Variants in FOXN3 observed in about 807,000 individuals in gnomAD.
The protein encoded by FOXN3 is forkhead box protein N3.
Under a neutral mutation model 38.4 loss-of-function variants are expected in FOXN3, and 7 were observed. The ratio of observed to expected loss-of-function variants is 0.18; its 90% CI spans 0.10 to 0.34. The LOEUF (loss-of-function observed/expected upper bound fraction) is 0.34. Ranked by LOEUF, FOXN3 falls within the 10% of genes least tolerant of loss-of-function variation. The pLI, the probability that FOXN3 is intolerant of heterozygous loss-of-function variation, is 1.00. For synonymous variants in FOXN3, 230 were observed against 242.2 expected, an observed-to-expected ratio of 0.95 and a Z score of 0.47; for missense variants, 456 against 613.4, an observed-to-expected ratio of 0.74 and a Z score of 2.71.
At position 89,614,143 on chromosome 14, in the gene FOXN3, C is replaced by T. The variant is rs1896448538; in HGVS notation, c.-15+4885G>A. ...ATTTTACTCAACACTCAAAACACTACTGAGTCTGCCAAGCAGATTTATATA... is the reference window on the plus strand; with the variant it reads ...ATTTTACTCAACACTCAAAACACTATTGAGTCTGCCAAGCAGATTTATATA... On this transcript the variant is annotated intron_variant, in intron 1 of 6. Coordinates refer to the FOXN3 transcript ENST00000345097. Among the ~76,000 whole-genome samples the T allele has an allele frequency of 2.0e-5, 3 of 152,200 alleles. No homozygotes were observed. In the South Asian group the frequency reaches 6.2e-4, roughly 32 times the overall value.
intron 3 of FOXN3, among the ~76,000 whole-genome samples, chr14:89,318,181 G>A (rs1479067479): frequency 1.9e-4 from 23 of 123,602 alleles, no homozygotes; most frequent in Admixed American, 4.8e-4. Flanking sequence ...TTTTTGAGGC[G>A]GAGTTTCACT....
chr14:89,225,394 G>A (rs1289474889), intron 4 of FOXN3, among the ~76,000 whole-genome samples: 1 of 151,880 alleles, frequency 6.6e-6, no homozygotes, highest in Non-Finnish European at 1.5e-5. Context: ...CACGAGGTCA[G>A]GAGATCGAGA....
intron 1 of FOXN3, among the ~76,000 whole-genome samples, chr14:89,523,952 G>A (rs1347125323): frequency 2.6e-5 from 4 of 151,508 alleles, no homozygotes; most frequent in Non-Finnish European, 4.4e-5. Flanking sequence ...TAGTACAGAC[G>A]GGGTTTCACC....
In FOXN3 at chr14:89,156,536, CT is replaced by C. The variant is rs1342143476; in HGVS notation, c.*5877del. 1 of 152,374 alleles carries C rather than the reference CT, an allele frequency of 6.6e-6. No individual in the cohort carries two copies. Among genetic ancestry groups the C allele is most frequent in the Non-Finnish European group, 1.5e-5 (1 of 68,022 alleles). 9.4% of individuals were successfully genotyped at this position (152,374 alleles called of 1,614,324 possible). A position where few individuals can be genotyped will look rare whatever the true frequency, so the allele number is the denominator to read the frequency against. On this transcript the variant is annotated 3_prime_UTR_variant, in exon 6 of 6. Transcript: ENST00000557258. ...AATTGGCTTTTGAAAAATTATTACT[CT>C]CGTAAATTAATTTGGCCGTGTAGGT...
intron 2 of FOXN3, among the ~76,000 whole-genome samples, chr14:89,394,067 G>A (rs1891034555): frequency 6.6e-6 from 1 of 152,040 alleles, no homozygotes; most frequent in Admixed American, 6.6e-5. Flanking sequence ...GGGAGAGAGA[G>A]AAAGGGGGCC....
chr14:89,607,432 G>A (rs1033691841), intron 1 of FOXN3, among the ~76,000 whole-genome samples: 7 of 152,042 alleles, frequency 4.6e-5, no homozygotes, highest in Non-Finnish European at 1.0e-4. Flanking sequence ...GGTGGTACAT[G>A]CCTGTAATCC....
In FOXN3 at chr14:89,461,386, C is replaced by A. The variant is rs150443671; in HGVS notation, c.-14-48896G>T. 6.6e-3 allele frequency among the ~76,000 whole-genome samples: 997 copies of A among 151,846 alleles called. 5 individuals are homozygous for A. The highest frequency in any genetic ancestry group is 0.023 in the African/African-American group (948 of 41,382). On this transcript the variant is annotated intron_variant, in intron 1 of 6. Transcript: ENST00000345097. The stretch of plus-strand genomic sequence containing the variant: ...CTGCCTGTTGTCTGTCTTCACCTAC[C>A]AGAATGTATGCACCACCAGAATATA...
chr14:89,582,419 G>A (rs1895759663), intron 1 of FOXN3, among the ~76,000 whole-genome samples: 1 of 151,730 alleles, frequency 6.6e-6, no homozygotes, highest in African/African-American at 2.4e-5. Flanking sequence ...TAGAGGAATA[G>A]CCAACTGAAG....
At chr14:89,230,762 TAAAC>T (rs1488631119) in intron 4 of FOXN3, 10 of 400,360 alleles carry the variant, frequency 2.5e-5, no homozygotes, top group African/African-American at 2.1e-4. Flanking sequence ...AATAAATAGA[TAAAC>T]AAACATTCTT....
intron 2 of FOXN3, among the ~76,000 whole-genome samples, chr14:89,387,247 TTC>T (rs1890816279): frequency 6.6e-6 from 1 of 151,984 alleles, no homozygotes; most frequent in Admixed American, 6.6e-5. Flanking sequence ...CAGAGCAAAA[TTC>T]TGTCTCAATC....
chr14:89,354,658 C>T (rs1889132059), intron 2 of FOXN3, among the ~76,000 whole-genome samples: 1 of 151,234 alleles, frequency 6.6e-6, no homozygotes, highest in African/African-American at 2.4e-5. Context: ...AGTTCGAAAC[C>T]AGCCTGACTA....
At chr14:89,312,076 GGAGTTT>G (rs1243992944) in intron 3 of FOXN3, among the ~76,000 whole-genome samples, 1 of 151,904 alleles carries the variant, frequency 6.6e-6, no homozygotes, top group African/African-American at 2.4e-5. Context: ...TTTGAGGTCA[GGAGTTT>G]GAGACCAGCC....
intron 1 of FOXN3, among the ~76,000 whole-genome samples, chr14:89,569,172 T>C (rs1210369552): frequency 6.6e-6 from 1 of 151,858 alleles, no homozygotes; most frequent in African/African-American, 2.4e-5. Context: ...ACCACTGCAC[T>C]CTAGCCTGGG....
chr14:89,296,675 G>A (rs567468268), intron 3 of FOXN3, among the ~76,000 whole-genome samples: 13 of 152,278 alleles, frequency 8.5e-5, no homozygotes, highest in South Asian at 4.2e-4. Context: ...TCGCTCTGTC[G>A]TCTAGGCTGG....
rs948812208 is a variant in FOXN3 at position 89,363,738 on chromosome 14, C to G, written c.544-12930G>C. ...GGTACTAGCAGAAGAACAAACAGAA[C>G]AGAGCCAAGTTATTCACCATGAACT... On this transcript the variant is annotated intron_variant, in intron 2 of 5. Coordinates refer to ENST00000557258, the MANE Select transcript of FOXN3 (RefSeq NM_005197.4). Among the ~76,000 whole-genome samples, 11 of 152,154 alleles carry G rather than the reference C, an allele frequency of 7.2e-5. 1 individual carries two copies. The highest frequency in any genetic ancestry group is 1.7e-4 in the African/African-American group (7 of 41,464).
At chr14:89,205,907 C>A (rs947632885) in intron 4 of FOXN3, among the ~76,000 whole-genome samples, 2 of 152,226 alleles carry the variant, frequency 1.3e-5, no homozygotes, top group African/African-American at 4.8e-5. Flanking sequence ...GCATCCCTGT[C>A]ACGCGCCCTG....
At position 89,598,182 on chromosome 14, in the gene FOXN3, C is replaced by G. The variant is rs72705440; in HGVS notation, c.-15+20846G>C. On this transcript the variant is annotated intron_variant, in intron 1 of 6. Transcript: ENST00000345097. The stretch of plus-strand genomic sequence containing the variant: ...CTACAAGGAACTTAGAATGATTTAA[C>G]TTCATTAACTTCTTTGGATTTATGT... 1.9e-3 allele frequency among the ~76,000 whole-genome samples: 294 copies of G among 152,216 alleles called. 1 individual carries two copies. The highest frequency in any genetic ancestry group is 3.0e-3 in the Admixed American group (46 of 15,298).
At chr14:89,426,694 C>T (rs549606620) in intron 1 of FOXN3, among the ~76,000 whole-genome samples, 1 of 152,168 alleles carries the variant, frequency 6.6e-6, no homozygotes, top group South Asian at 2.1e-4. Context: ...TTCAGCCTCA[C>T]ATTAATCATG....
intron 2 of FOXN3, among the ~76,000 whole-genome samples, chr14:89,399,783 G>A (rs190227862): frequency 2.4e-4 from 37 of 152,278 alleles, no homozygotes; most frequent in Admixed American, 5.9e-4. Flanking sequence ...ACATTACAGC[G>A]CCCTACAGGA....
Sources: allele counts gnomAD v4.1 joint callset (sites outside exome capture counted in the v4.1 genomes callset), GRCh38; gene constraint gnomAD v4.1.1; transcripts MANE v1.5; gene names NCBI Gene and HGNC (gene_info 2026-07-23, HGNC 2026-07-21).